EPHA5: variants seen among roughly 807,000 people sequenced by gnomAD.
EPHA5 encodes the protein ephrin type-A receptor 5.
A neutral mutation model predicts 105.0 loss-of-function variants in EPHA5; 60 were observed. That is an observed-to-expected ratio of 0.57 (90% CI 0.46 to 0.71). EPHA5 has a LOEUF of 0.71. Among genes scored for constraint, EPHA5 ranks in the 30% least tolerant of loss-of-function variants. EPHA5 has a pLI of 0.00. For synonymous variants in EPHA5, 513 were observed against 449.1 expected (o/e 1.14, Z -1.80); for missense variants, 1,218 against 1,274.7 (o/e 0.96, Z 0.68).
At chr4:65,579,373 TATAA>T (rs1003129193) in intron 3 of EPHA5, among the ~76,000 whole-genome samples, 1 of 146,998 alleles carries the variant, frequency 6.8e-6, no homozygotes, top group African/African-American at 2.5e-5. Flanking sequence ...TATATATATA[TATAA>T]ATATATATAT....
intron 4 of EPHA5, among the ~76,000 whole-genome samples, chr4:65,492,915 G>GAA (rs979568920): frequency 1.3e-5 from 2 of 151,342 alleles, no homozygotes; most frequent in African/African-American, 4.9e-5. Flanking sequence ...TGAAATTTAA[G>GAA]ATAAAAAATT....
intron 3 of EPHA5, among the ~76,000 whole-genome samples, chr4:65,563,741 T>C (rs1739257432): frequency 6.6e-6 from 1 of 151,990 alleles, no homozygotes; most frequent in Non-Finnish European, 1.5e-5. Context: ...CATGAAAACA[T>C]TGTTAATTTC....
In EPHA5 at chr4:65,418,862, C is replaced by CTTTTTTTTTTTTTTTTTTTTTTTTTT. The variant is rs575608289; in HGVS notation, c.1527+1553_1527+1578dup. On this transcript the variant is annotated intron_variant, in intron 6 of 16. Transcript: ENST00000613740. Reference sequence around the variant, plus strand: ...AACATTCAATACACTTACCTAAACTCTTTTTTTTTTTTTTTTTTTTTTTTT... The same window carrying CTTTTTTTTTTTTTTTTTTTTTTTTTT: ...AACATTCAATACACTTACCTAAACTCTTTTTTTTTTTTTTTTTTTTTTTTTTTTTTTTTTTTTTTTTTTTTTTTTTT... Among the ~76,000 whole-genome samples the CTTTTTTTTTTTTTTTTTTTTTTTTTT allele has an allele frequency of 2.3e-4, 11 of 47,074 alleles. 3 individuals are homozygous for CTTTTTTTTTTTTTTTTTTTTTTTTTT. Among genetic ancestry groups the CTTTTTTTTTTTTTTTTTTTTTTTTTT allele is most frequent in the East Asian group, 5.3e-4 (1 of 1,870 alleles). 30.9% of individuals were successfully genotyped at this position (47,074 alleles called of 152,430 possible).
At chr4:65,416,142 G>GA (rs1488120616) in intron 6 of EPHA5, among the ~76,000 whole-genome samples, 2 of 151,824 alleles carry the variant, frequency 1.3e-5, no homozygotes, top group African/African-American at 2.4e-5. Context: ...TTAACTTAAA[G>GA]AAAAAATCTA....
chr4:65,375,986 A>G (rs1240732647), intron 8 of EPHA5, among the ~76,000 whole-genome samples: 2 of 151,928 alleles, frequency 1.3e-5, no homozygotes, highest in Non-Finnish European at 2.9e-5. Context: ...AGAAATTGAC[A>G]AAATATTTCT....
At chr4:65,398,435 A>T (rs1439611944) in intron 8 of EPHA5, among the ~76,000 whole-genome samples, 1 of 152,084 alleles carries the variant, frequency 6.6e-6, no homozygotes, top group East Asian at 1.9e-4. Context: ...TGGACAGCAT[A>T]TTGATGGTGG....
chr4:65,483,918 C>G (rs1357457377), intron 5 of EPHA5, among the ~76,000 whole-genome samples: 2 of 151,986 alleles, frequency 1.3e-5, no homozygotes, highest in Non-Finnish European at 2.9e-5. Flanking sequence ...TCAACTAGAG[C>G]CGTCATAAAG....
chr4:65,483,260 T>C (rs920677773), intron 5 of EPHA5, among the ~76,000 whole-genome samples: 12 of 152,194 alleles, frequency 7.9e-5, no homozygotes, highest in Admixed American at 6.5e-4. Flanking sequence ...CAGTCTATCA[T>C]TGTTGGACAT....
intron 5 of EPHA5, among the ~76,000 whole-genome samples, chr4:65,435,174 A>G (rs1725362125): frequency 6.6e-6 from 1 of 152,122 alleles, no homozygotes; most frequent in Admixed American, 6.5e-5. Flanking sequence ...CAAGTTCATG[A>G]ATATTTTATT....
chr4:65,324,187 C>T lies in EPHA5; in HGVS notation c.2978G>A (p.Gly993Asp), dbSNP rs2148776823. Residue 993 changes from glycine (G) to aspartate (D), a missense_variant, in exon 17 of 17, where the codon GGT becomes GAT. Physicochemically the swap from Gly to Asp is moderately conservative, Grantham distance 94 (BLOSUM62 -1). Transcript: ENST00000613740. ...GCTGTTCATGATCTTCTTCTGGTGACCGACAAGAGTCACTCCAAGCCGTCT... is the reference window on the plus strand; with the variant it reads ...GCTGTTCATGATCTTCTTCTGGTGATCGACAAGAGTCACTCCAAGCCGTCT... Reference protein sequence around the residue: ...DLRRLGVTLVGHQKKIMNSLQ... With the variant: ...DLRRLGVTLVDHQKKIMNSLQ... 1 of 1,609,456 alleles carries T rather than the reference C, an allele frequency of 6.2e-7. No individual in the cohort carries two copies. Among genetic ancestry groups the T allele is most frequent in the South Asian group, 1.1e-5 (1 of 90,930 alleles).
At chr4:65,429,878 C>T (rs1412236627) in intron 5 of EPHA5, among the ~76,000 whole-genome samples, 1 of 151,982 alleles carries the variant, frequency 6.6e-6, no homozygotes, top group Non-Finnish European at 1.5e-5. Flanking sequence ...ACTGGGAGAC[C>T]TGAGTAGTGT....
chr4:65,445,483 G>A (rs773386595), intron 5 of EPHA5, among the ~76,000 whole-genome samples: 1 of 152,024 alleles, frequency 6.6e-6, no homozygotes, highest in Non-Finnish European at 1.5e-5. Flanking sequence ...AAAGTTAATT[G>A]GTCATATAGT....
intron 2 of EPHA5, among the ~76,000 whole-genome samples, chr4:65,636,752 T>C (rs1747155437): frequency 6.6e-6 from 1 of 152,068 alleles, no homozygotes; most frequent in South Asian, 2.1e-4. Flanking sequence ...TCTGACACTT[T>C]TGCACATCTA....
At chr4:65,476,477 C>T (rs79503782) in intron 5 of EPHA5, among the ~76,000 whole-genome samples, 1,734 of 152,030 alleles carry the variant, frequency 0.011, 37 homozygotes, top group African/African-American at 0.039. Context: ...CAAATTAATG[C>T]GGAACAGAAA....
At chr4:65,637,295 C>CA (rs1345099001) in intron 2 of EPHA5, among the ~76,000 whole-genome samples, 14 of 144,356 alleles carry the variant, frequency 9.7e-5, no homozygotes, top group African/African-American at 1.8e-4. Context: ...TCTGCAATAT[C>CA]AAAAAAATGA....
intron 1 of EPHA5, among the ~76,000 whole-genome samples, chr4:65,668,537 C>A (rs1750160792): frequency 6.6e-6 from 1 of 152,094 alleles, no homozygotes; most frequent in Non-Finnish European, 1.5e-5. Context: ...CGAGCTCAGT[C>A]CGGGTGTGGG....
At position 65,670,417 on chromosome 4, in the gene EPHA5, C is replaced by A. The variant is rs929084897; in HGVS notation, c.-675G>T. ...AGGAGCTGCTGCGGTTCCCGCTGCT[C>A]GGGGAGCAGGCGGTGTGTGCGCGGC... On this transcript the variant is annotated 5_prime_UTR_variant, in exon 1 of 17. Coordinates refer to ENST00000613740, the MANE Select transcript of EPHA5 (RefSeq NM_001281766.3). 4.3e-6 allele frequency: 1 copy of A among 233,600 alleles called. No homozygotes were observed. The highest frequency in any genetic ancestry group is 8.5e-6 in the Non-Finnish European group (1 of 118,324). 14.5% of individuals were successfully genotyped at this position (233,600 alleles called of 1,614,324 possible). A position where few individuals can be genotyped will look rare whatever the true frequency, so the allele number is the denominator to read the frequency against.
chr4:65,336,198 C>G (rs1275460133), intron 14 of EPHA5, 73 bp from the exon 15 acceptor site: 2 of 1,255,808 alleles, frequency 1.6e-6, no homozygotes, highest in East Asian at 5.3e-5. Context: ...AAATGTCCCA[C>G]TGTCCAACTT....
intron 3 of EPHA5, among the ~76,000 whole-genome samples, chr4:65,497,768 G>C (rs1382602715): frequency 6.6e-6 from 1 of 151,848 alleles, no homozygotes; most frequent in Non-Finnish European, 1.5e-5. Flanking sequence ...AAACCCCAAA[G>C]GGAGCTTTGG....
Sources: allele counts gnomAD v4.1 joint callset (sites outside exome capture counted in the v4.1 genomes callset), GRCh38; gene constraint gnomAD v4.1.1; transcripts MANE v1.5; gene names NCBI Gene and HGNC (gene_info 2026-07-23, HGNC 2026-07-21).